PDK1: variants seen among roughly 807,000 people sequenced by gnomAD.
PDK1 encodes the protein pyruvate dehydrogenase kinase 1.
Under a neutral mutation model 54.2 loss-of-function variants are expected in PDK1, and 39 were observed. The observed-to-expected ratio is 0.72, with a 90% CI of 0.56 to 0.94. The LOEUF (loss-of-function observed/expected upper bound fraction) is 0.94. Ranked by LOEUF, PDK1 falls within the 40% of genes least tolerant of loss-of-function variation. PDK1 has a pLI of 0.00. For synonymous variants in PDK1, 221 were observed against 207.1 expected, an observed-to-expected ratio of 1.07 and a Z score of -0.58; for missense variants, 552 against 566.0, an observed-to-expected ratio of 0.98 and a Z score of 0.25.
rs767822077 is a variant in PDK1, at chr2:172,558,775, A to T, written c.264A>T (p.Ala88=). The T allele has an allele frequency of 6.2e-6, 10 of 1,612,168 alleles. No homozygotes were observed. Among genetic ancestry groups the T allele is most frequent in the Non-Finnish European group, 8.5e-6 (10 of 1,179,232 alleles). ...FLRQELPVRL[A]NIMKEISLLP... ...GGCAAGAGTTGCCTGTCAGACTGGC[A>T]AATATAATGAAAGAAATAAGTCTCC... is the stretch of plus-strand genomic sequence containing the variant. Residue 88 remains alanine (A), a synonymous_variant, in exon 2 of 11, where the codon GCA becomes GCT. Transcript: ENST00000282077.
chr2:172,592,130 G>C (rs1690623162), intron 9 of PDK1, among the ~76,000 whole-genome samples: 2 of 152,234 alleles, frequency 1.3e-5, no homozygotes, highest in African/African-American at 4.8e-5. Context: ...GCTACGGGTT[G>C]TCAGTGGTCT....
the PDK1 span, among the ~76,000 whole-genome samples, chr2:172,671,970 G>A: frequency 6.6e-6 from 1 of 152,156 alleles, no homozygotes; most frequent in Non-Finnish European, 1.5e-5. Context: ...GGATAGGAGA[G>A]AGAAAGTCAG....
At chr2:172,702,705 C>A in the PDK1 span, among the ~76,000 whole-genome samples, 6 of 151,312 alleles carry the variant, frequency 4.0e-5, no homozygotes, top group African/African-American at 1.2e-4. Flanking sequence ...TGGATTTTGG[C>A]CCTATAATCT....
intron 8 of PDK1, among the ~76,000 whole-genome samples, chr2:172,582,707 A>G (rs992094101): frequency 1.3e-5 from 2 of 152,198 alleles, no homozygotes; most frequent in Non-Finnish European, 1.5e-5. Context: ...TTTCCTGAAG[A>G]ACTTGGATCC....
the PDK1 span, among the ~76,000 whole-genome samples, chr2:172,660,453 C>A: frequency 2.6e-5 from 4 of 151,328 alleles, no homozygotes; most frequent in Non-Finnish European, 5.9e-5. Context: ...AGACAGGTTC[C>A]ACCATGTTGC....
At chr2:172,653,211 G>C in the PDK1 span, among the ~76,000 whole-genome samples, 1 of 152,088 alleles carries the variant, frequency 6.6e-6, no homozygotes, top group Non-Finnish European at 1.5e-5. Flanking sequence ...ACAAAAACAA[G>C]GAATAGGGAA....
the PDK1 span, among the ~76,000 whole-genome samples, chr2:172,622,244 T>A: frequency 6.8e-6 from 1 of 147,436 alleles, no homozygotes; most frequent in Non-Finnish European, 1.5e-5. Flanking sequence ...TTATGTGAGA[T>A]GTTTATATCT....
At chr2:172,567,067 T>C (rs1688994766) in intron 6 of PDK1, 134 bp downstream of exon 6, 1 of 506,944 alleles carries the variant, frequency 2.0e-6, no homozygotes. Flanking sequence ...ATAGTAATCA[T>C]GTAAAAAATA....
At chr2:172,683,955 A>G in the PDK1 span, among the ~76,000 whole-genome samples, 1 of 152,234 alleles carries the variant, frequency 6.6e-6, no homozygotes, top group Non-Finnish European at 1.5e-5. Flanking sequence ...AACTAGAGAC[A>G]TTATGATGAG....
the PDK1 span, among the ~76,000 whole-genome samples, chr2:172,700,449 G>A: frequency 2.0e-5 from 3 of 150,878 alleles, no homozygotes; most frequent in Non-Finnish European, 2.9e-5. Flanking sequence ...GACGATGGGC[G>A]GCAGGGCAGA....
the PDK1 span, among the ~76,000 whole-genome samples, chr2:172,702,975 G>A: frequency 6.6e-6 from 1 of 151,634 alleles, no homozygotes; most frequent in Non-Finnish European, 1.5e-5. Context: ...AACTTTAAAT[G>A]TTACCTTATA....
chr2:172,657,623 T>TA, the PDK1 span, among the ~76,000 whole-genome samples: 1 of 152,060 alleles, frequency 6.6e-6, no homozygotes, highest in African/African-American at 2.4e-5. Flanking sequence ...TATTTTAAGT[T>TA]AAAGGCACTT....
At chr2:172,681,528 T>C in the PDK1 span, among the ~76,000 whole-genome samples, 2 of 152,226 alleles carry the variant, frequency 1.3e-5, no homozygotes, top group South Asian at 4.1e-4. Flanking sequence ...CATTCATTCA[T>C]TCAACAAATA....
chr2:172,630,818 T>G, the PDK1 span, among the ~76,000 whole-genome samples: 11 of 152,070 alleles, frequency 7.2e-5, no homozygotes, highest in Non-Finnish European at 1.6e-4. Flanking sequence ...TTGGTAGAGA[T>G]GGGGTTTTGC....
At chr2:172,679,991 C>G in the PDK1 span, among the ~76,000 whole-genome samples, 11 of 152,158 alleles carry the variant, frequency 7.2e-5, no homozygotes, top group East Asian at 1.5e-3. Flanking sequence ...CAAGAAATAC[C>G]AAAACCAGTC....
chr2:172,579,322 G>T (rs1251644172), intron 8 of PDK1, among the ~76,000 whole-genome samples: 1 of 152,102 alleles, frequency 6.6e-6, no homozygotes, highest in South Asian at 2.1e-4. Context: ...CAGCTACCAG[G>T]CTGCTGGTTT....
the PDK1 span, among the ~76,000 whole-genome samples, chr2:172,647,481 C>A: frequency 6.6e-6 from 1 of 152,112 alleles, no homozygotes; most frequent in African/African-American, 2.4e-5. Context: ...CAACTTATGG[C>A]CAAAGTAGTG....
the PDK1 span, among the ~76,000 whole-genome samples, chr2:172,625,134 G>A: frequency 6.6e-6 from 1 of 152,176 alleles, no homozygotes; most frequent in Admixed American, 6.5e-5. Context: ...GGACTGTGAG[G>A]TGACAGAAAT....
chr2:172,714,613 T>C, the PDK1 span, among the ~76,000 whole-genome samples: 2 of 130,240 alleles, frequency 1.5e-5, no homozygotes, highest in East Asian at 3.9e-4. Flanking sequence ...TATTATTAAA[T>C]TTGATAATCA....
Sources: gnomAD v4.1 joint callset for allele counts (sites outside exome capture counted in the v4.1 genomes callset) on GRCh38, gnomAD v4.1.1 for gene constraint, MANE v1.5 for transcripts, NCBI Gene and HGNC (gene_info 2026-07-23, HGNC 2026-07-21) for gene names.